Variants in IGSF10 observed in about 807,000 individuals in gnomAD.
IGSF10 encodes the protein calvaria mechanical force protein 608.
IGSF10 carries 126 observed loss-of-function variants against 128.2 expected under a neutral mutation model. The ratio of observed to expected loss-of-function variants is 0.98; its 90% CI spans 0.85 to 1.14. The LOEUF is 1.14. Among genes scored for constraint, IGSF10 ranks in the 50% most tolerant of loss-of-function variants. The probability of loss-of-function intolerance (pLI) is 0.00; values close to 1 mark genes in which losing one functional copy is unlikely to be tolerated. For missense variants in IGSF10, 3,295 were observed against 3,149.8 expected (o/e 1.05, Z -1.10); for synonymous variants, 1,185 against 1,146.2 (o/e 1.03, Z -0.68).
chr3:151,550,124 T>G, the IGSF10 span, among the ~76,000 whole-genome samples: 2 of 152,176 alleles, frequency 1.3e-5, no homozygotes, highest in Admixed American at 1.3e-4. Flanking sequence ...TAGTAGTTCA[T>G]TAATAATTTG....
chr3:151,521,297 G>A, the IGSF10 span, among the ~76,000 whole-genome samples: 2 of 151,670 alleles, frequency 1.3e-5, no homozygotes, highest in East Asian at 3.9e-4. Context: ...TCCACTGACA[G>A]TATTAGATCA....
the IGSF10 span, among the ~76,000 whole-genome samples, chr3:151,537,865 C>CAGTAATTACCCA: frequency 1.3e-5 from 2 of 152,166 alleles, no homozygotes; most frequent in African/African-American, 4.8e-5. Context: ...CCATGGTTTC[C>CAGTAATTACCCA]CAGTAATTAC....
At chr3:151,559,260 G>A in the IGSF10 span, among the ~76,000 whole-genome samples, 1 of 152,156 alleles carries the variant, frequency 6.6e-6, no homozygotes, top group South Asian at 2.1e-4. Flanking sequence ...CCTGAAGGCA[G>A]AGTGTTTTCT....
the IGSF10 span, among the ~76,000 whole-genome samples, chr3:151,574,285 TC>T: frequency 6.6e-6 from 1 of 152,210 alleles, no homozygotes; most frequent in Non-Finnish European, 1.5e-5. Flanking sequence ...TTGGGGAAGT[TC>T]TCCTGGATAA....
the IGSF10 span, among the ~76,000 whole-genome samples, chr3:151,595,772 G>A: frequency 6.6e-6 from 1 of 150,586 alleles, no homozygotes; most frequent in Non-Finnish European, 1.5e-5. Flanking sequence ...GAATAGAAAG[G>A]TGGTTACTAG....
chr3:151,520,053 CT>C, the IGSF10 span, among the ~76,000 whole-genome samples: 15 of 151,730 alleles, frequency 9.9e-5, no homozygotes, highest in Middle Eastern at 3.4e-3. Context: ...TCCCTTTCTA[CT>C]TTTTTTTCCT....
Position 151,446,545 on chromosome 3 carries a change from CAT to C in IGSF10, c.3434_3435del (p.Tyr1145CysfsTer22). ...TTTTCCATGGGTATGGATGTTGGAG[CAT>C]ATGTCATGACTGCACCAGTTGGAGT... ...QVTPTGAVMT[Y>X]APTSIPMEKT... On this transcript the variant is annotated frameshift_variant, in exon 6 of 8. Transcript: ENST00000282466. LOFTEE classifies it high-confidence loss of function. The C allele has an allele frequency of 6.2e-7, 1 of 1,614,096 alleles. No individual in the cohort carries two copies. Among genetic ancestry groups the C allele is most frequent in the South Asian group, 1.1e-5 (1 of 91,072 alleles).
At position 151,443,195 on chromosome 3, in the gene IGSF10, T is replaced by C; in HGVS notation, c.5752A>G (p.Ile1918Val). 2.5e-6 allele frequency: 4 copies of C among 1,614,242 alleles called. No individual in the cohort carries two copies. Among genetic ancestry groups the C allele is most frequent in the Non-Finnish European group, 3.4e-6 (4 of 1,180,032 alleles). The stretch of plus-strand genomic sequence containing the variant: ...TCCGAACCAGTGGAACTGGTAGCAA[T>C]GCATTCATAAGTGCCCCTGTCTGAA... ...ASSDRGTYEC[I>V]ATSSTGSERR... Residue 1918 changes from isoleucine (I) to valine (V), a missense_variant, in exon 7 of 8, where the codon ATT (isoleucine) becomes GTT (valine). Transcript: ENST00000282466.
chr3:151,489,535 C>T, the IGSF10 span, among the ~76,000 whole-genome samples: 2 of 151,986 alleles, frequency 1.3e-5, no homozygotes, highest in Non-Finnish European at 2.9e-5. Flanking sequence ...ATGTTTATTG[C>T]AGCACTATTC....
chr3:151,450,296 G>A (rs1255340084), intron 5 of IGSF10, among the ~76,000 whole-genome samples: 1 of 152,192 alleles, frequency 6.6e-6, no homozygotes, highest in Non-Finnish European at 1.5e-5. Flanking sequence ...CATCCATGCT[G>A]TTCCATATAG....
chr3:151,438,734 A>G (rs1367416662), intron 7 of IGSF10, 137 bp from the exon 8 acceptor site: 1 of 629,170 alleles, frequency 1.6e-6, no homozygotes, highest in Non-Finnish European at 2.8e-6. Context: ...GGTGTAGAAC[A>G]TGACATTTTG....
chr3:151,536,335 A>G, the IGSF10 span, among the ~76,000 whole-genome samples: 1 of 152,200 alleles, frequency 6.6e-6, no homozygotes, highest in African/African-American at 2.4e-5. Flanking sequence ...ACGAGGGCAG[A>G]GAGGGTGACC....
chr3:151,586,498 T>C, the IGSF10 span, among the ~76,000 whole-genome samples: 7 of 152,202 alleles, frequency 4.6e-5, no homozygotes, highest in East Asian at 9.6e-4. Flanking sequence ...AGAAAAACAG[T>C]ATAGTATTAT....
upstream of IGSF10, among the ~76,000 whole-genome samples, chr3:151,462,187 C>T (rs1264121792): frequency 6.6e-6 from 1 of 152,156 alleles, no homozygotes; most frequent in Non-Finnish European, 1.5e-5. Flanking sequence ...TTGTTTCCTT[C>T]CACGTAGTTA....
the IGSF10 span, among the ~76,000 whole-genome samples, chr3:151,510,623 T>C: frequency 2.5e-4 from 38 of 152,174 alleles, no homozygotes; most frequent in Admixed American, 3.9e-4. Flanking sequence ...AGAATGACTT[T>C]GACGAGTTGA....
chr3:151,461,117 G>C, upstream of IGSF10: 1 of 985,344 alleles, frequency 1.0e-6, no homozygotes, highest in Non-Finnish European at 1.2e-6. Context: ...GGACGCGGCC[G>C]GGGCTCAGCA....
At chr3:151,461,124 A>G, upstream of IGSF10, 4 of 985,394 alleles carry the variant, frequency 4.1e-6, no homozygotes, top group Non-Finnish European at 4.8e-6. Flanking sequence ...GCCGGGGCTC[A>G]GCAGCACAAG....
Position 151,436,936 on chromosome 3 carries a change from G to C in IGSF10, c.7625C>G (p.Thr2542Arg), listed in dbSNP as rs778548572. The C allele has an allele frequency of 5.6e-6, 9 of 1,614,086 alleles. No homozygotes were observed. Among genetic ancestry groups the C allele is most frequent in the Non-Finnish European group, 7.6e-6 (9 of 1,180,022 alleles). The part of the protein sequence containing the change: ...NRPPRSIVTR[T>R]GAAFQLHCVA... The stretch of plus-strand genomic sequence containing the variant: ...ACAGTGGAGCTGAAAGGCTGCCCCT[G>C]TCCTGGTGACAATACTCCTGGGTGG... Residue 2542 changes from threonine to arginine, a missense_variant, in exon 8 of 8, where the codon ACA becomes AGA. Coordinates refer to ENST00000282466, the MANE Select transcript of IGSF10 (RefSeq NM_178822.5).
the IGSF10 span, among the ~76,000 whole-genome samples, chr3:151,557,555 G>T: frequency 1.2e-4 from 18 of 152,054 alleles, no homozygotes; most frequent in African/African-American, 3.9e-4. Flanking sequence ...ATACAAAGGG[G>T]CATATTATGC....
Sources: allele counts gnomAD v4.1 joint callset (sites outside exome capture counted in the v4.1 genomes callset), GRCh38; gene constraint gnomAD v4.1.1; transcripts MANE v1.5; gene names NCBI Gene and HGNC (gene_info 2026-07-23, HGNC 2026-07-21).